The following AIDA variants were observed in gnomAD, a reference collection of about 807,000 sequenced individuals.
AIDA encodes axin interactor, dorsalization-associated protein.
In AIDA, 18 loss-of-function variants were observed where a neutral mutation model predicts 42.7. The observed-to-expected ratio is 0.42, with a 90% CI of 0.29 to 0.63. AIDA has a LOEUF of 0.63. Ranked by LOEUF, AIDA falls within the 20% of genes least tolerant of loss-of-function variation. The pLI is 0.19. For synonymous variants in AIDA, 104 were observed against 122.9 expected, an observed-to-expected ratio of 0.85 and a Z score of 1.02; for missense variants, 250 against 354.1, an observed-to-expected ratio of 0.71 and a Z score of 2.36.
intron 4 of AIDA, among the ~76,000 whole-genome samples, chr1:222,689,673 CAA>C (rs1655317387): frequency 1.3e-5 from 2 of 148,934 alleles, no homozygotes; most frequent in African/African-American, 4.9e-5. Context: ...AATGATATTA[CAA>C]AAGAGTCAAA....
intron 7 of AIDA, among the ~76,000 whole-genome samples, 184 bp from the exon 8 acceptor site, chr1:222,673,619 AC>A (rs1664489499): frequency 6.6e-6 from 1 of 151,980 alleles, no homozygotes; most frequent in East Asian, 1.9e-4. Context: ...TACTAAAAAT[AC>A]AAAAAAAATT....
In AIDA at chr1:222,668,260, G is replaced by C. The variant is rs1477067813; in HGVS notation, c.*1633C>G. 1 of 145,524 alleles carries C rather than the reference G, an allele frequency of 6.9e-6. No individual in the cohort carries two copies. The highest frequency in any genetic ancestry group is 2.6e-5 in the African/African-American group (1 of 38,962). The allele number at this position is 145,524 out of a possible 1,614,324, so 9.0% of individuals were successfully genotyped here. ...GGTACTGAGTACTCCACAGGGTACA[G>C]AGTGCTGCCAAGCACCTTAGAAAAA... On this transcript the variant is annotated 3_prime_UTR_variant, in exon 10 of 10. Transcript: ENST00000340020.
intron 6 of AIDA, among the ~76,000 whole-genome samples, chr1:222,686,726 A>G (rs573812755): frequency 6.6e-6 from 1 of 152,266 alleles, no homozygotes; most frequent in African/African-American, 2.4e-5. Flanking sequence ...TGAACATGGG[A>G]ATGGTCCTGA....
chr1:222,703,950 G>A (rs1051192288), intron 1 of AIDA, among the ~76,000 whole-genome samples: 1 of 152,050 alleles, frequency 6.6e-6, no homozygotes, highest in Non-Finnish European at 1.5e-5. Flanking sequence ...TAAAACTATG[G>A]TCTCAACTAT....
chr1:222,677,290 C>CT (rs1280101116), intron 6 of AIDA, among the ~76,000 whole-genome samples: 1 of 152,136 alleles, frequency 6.6e-6, no homozygotes, highest in African/African-American at 2.4e-5. Context: ...AGGAACCCTA[C>CT]TCTCTTATTA....
At chr1:222,671,771 C>T (rs999872694) in intron 8 of AIDA, among the ~76,000 whole-genome samples, 7 of 152,168 alleles carry the variant, frequency 4.6e-5, no homozygotes, top group Non-Finnish European at 7.4e-5. Context: ...TTCTCTTCTC[C>T]CTCCCACAGC....
At chr1:222,681,173 C>G (rs535186199) in intron 6 of AIDA, among the ~76,000 whole-genome samples, 4 of 152,310 alleles carry the variant, frequency 2.6e-5, no homozygotes, top group Admixed American at 2.6e-4. Flanking sequence ...ATTTCACGCC[C>G]TGTCCTCACG....
At chr1:222,704,938 A>G (rs532010677) in intron 1 of AIDA, among the ~76,000 whole-genome samples, 1 of 152,328 alleles carries the variant, frequency 6.6e-6, no homozygotes, top group Admixed American at 6.5e-5. Flanking sequence ...CAAGTGCTAG[A>G]TTTTCTACCA....
In AIDA at chr1:222,693,808, G is replaced by A; in HGVS notation, c.270C>T (p.Asp90=). The change falls in exon 4 of 10, where the codon GAC becomes GAT. Residue 90 remains aspartate (D), a synonymous_variant. Transcript: ENST00000340020. ...ACTTACTTGGTTCTAGCTTCTTCAG[G>A]TCCTCCAGTTTAAATTCTTCTTGAG... ...TQSQEEFKLE[D]LKKLEPILKN... 1 of 1,609,612 alleles carries A rather than the reference G, an allele frequency of 6.2e-7. No homozygotes were observed. The highest frequency in any genetic ancestry group is 8.5e-7 in the Non-Finnish European group (1 of 1,177,052).
chr1:222,670,050 T>G, intron 9 of AIDA, 61 bp from the exon 10 acceptor site: 1 of 1,610,424 alleles, frequency 6.2e-7, no homozygotes. Context: ...TCTTCAAGGT[T>G]AAATACTGGA....
At chr1:222,683,008 A>G (rs1664680452) in intron 6 of AIDA, among the ~76,000 whole-genome samples, 1 of 152,190 alleles carries the variant, frequency 6.6e-6, no homozygotes, top group African/African-American at 2.4e-5. Flanking sequence ...TACATATGCA[A>G]TTTATTTTAG....
intron 4 of AIDA, among the ~76,000 whole-genome samples, chr1:222,692,440 T>C (rs1184297179): frequency 3.3e-5 from 5 of 152,204 alleles, no homozygotes; most frequent in Non-Finnish European, 7.3e-5. Flanking sequence ...CAACATGTGT[T>C]CTCTTTGCCA....
intron 4 of AIDA, among the ~76,000 whole-genome samples, chr1:222,692,764 A>G (rs1437156155): frequency 6.6e-6 from 1 of 152,214 alleles, no homozygotes; most frequent in African/African-American, 2.4e-5. Context: ...CATCTGAGGG[A>G]CTTTGAAGGA....
Position 222,703,001 on chromosome 1 carries a change from G to A in AIDA, c.180+147C>T, listed in dbSNP as rs1655749190. On this transcript the variant is annotated intron_variant, in intron 2 of 9. Coordinates refer to ENST00000340020, the MANE Select transcript of AIDA (RefSeq NM_022831.4). ...ATCTCTAAATAATCACTTAATGTTAGGCAAAGCATAATCAATATCATTCTT... is the reference window on the plus strand; with the variant it reads ...ATCTCTAAATAATCACTTAATGTTAAGCAAAGCATAATCAATATCATTCTT... 3 of 587,014 alleles carry A rather than the reference G, an allele frequency of 5.1e-6. No individual in the cohort carries two copies. The South Asian group carries it at 7.5e-5, about 15-fold the overall frequency. The allele number at this position is 587,014 out of a possible 1,614,324, so 36.4% of individuals were successfully genotyped here.
chr1:222,688,731 C>G (rs1655267502), intron 4 of AIDA, among the ~76,000 whole-genome samples: 1 of 152,072 alleles, frequency 6.6e-6, no homozygotes, highest in African/African-American at 2.4e-5. Context: ...TCCCGAGTAG[C>G]TAGGATTACA....
At chr1:222,675,739 C>T (rs542045819) in intron 7 of AIDA, among the ~76,000 whole-genome samples, 1 of 152,308 alleles carries the variant, frequency 6.6e-6, no homozygotes, top group Admixed American at 6.5e-5. Context: ...AACAAACCTA[C>T]ACATCTTTGG....
chr1:222,682,624 T>C (rs1664673803), intron 6 of AIDA, among the ~76,000 whole-genome samples: 1 of 152,206 alleles, frequency 6.6e-6, no homozygotes, highest in Admixed American at 6.5e-5. Flanking sequence ...ATTGCTAGTT[T>C]CCACCATTTT....
At chr1:222,690,333 A>T (rs1182810625) in intron 4 of AIDA, among the ~76,000 whole-genome samples, 2 of 152,186 alleles carry the variant, frequency 1.3e-5, no homozygotes, top group Non-Finnish European at 2.9e-5. Context: ...TATTTCAATG[A>T]TTACATTCTG....
intron 8 of AIDA, among the ~76,000 whole-genome samples, chr1:222,671,770 C>G (rs1480162521): frequency 6.6e-6 from 1 of 152,174 alleles, no homozygotes; most frequent in Admixed American, 6.5e-5. Context: ...CTTCTCTTCT[C>G]CCTCCCACAG....
Sources: allele counts gnomAD v4.1 joint callset (sites outside exome capture counted in the v4.1 genomes callset), GRCh38; gene constraint gnomAD v4.1.1; transcripts MANE v1.5; gene names NCBI Gene and HGNC (gene_info 2026-07-23, HGNC 2026-07-21).